Variants in SRBD1 observed in about 807,000 individuals in gnomAD.
SRBD1 encodes the protein S1 RNA-binding domain-containing protein 1.
SRBD1 carries 88 observed loss-of-function variants against 115.3 expected under a neutral mutation model. The ratio of observed to expected loss-of-function variants is 0.76; its 90% CI spans 0.64 to 0.91. The LOEUF (loss-of-function observed/expected upper bound fraction) is 0.91. Among genes scored for constraint, SRBD1 ranks in the 40% least tolerant of loss-of-function variants. The pLI is 0.00. For synonymous variants in SRBD1, 509 were observed against 407.7 expected (o/e 1.25, Z -2.99); for missense variants, 1,385 against 1,177.4 (o/e 1.18, Z -2.58).
intron 14 of SRBD1, among the ~76,000 whole-genome samples, chr2:45,515,096 A>G (rs1671079250): frequency 6.6e-6 from 1 of 152,198 alleles, no homozygotes; most frequent in Non-Finnish European, 1.5e-5. Flanking sequence ...AGAACAGCAA[A>G]TTCCATGAGA....
rs184832019 is a variant in SRBD1, at chr2:45,442,853, T to C, written c.2050-22959A>G. 1.4e-4 allele frequency among the ~76,000 whole-genome samples: 22 copies of C among 152,320 alleles called. No homozygotes were observed. In the East Asian group the frequency reaches 4.2e-3, roughly 29 times the overall value. On this transcript the variant is annotated intron_variant, in intron 16 of 20. Coordinates refer to ENST00000263736, the MANE Select transcript of SRBD1 (RefSeq NM_018079.5). ...GTCTAGCTACCTTTACATGCCACCC[T>C]TTTATAATATTCTAACAAAATTTCT...
chr2:45,438,107 T>C (rs1452458810), intron 16 of SRBD1, among the ~76,000 whole-genome samples: 1 of 152,198 alleles, frequency 6.6e-6, no homozygotes, highest in Non-Finnish European at 1.5e-5. Context: ...GCTGTGCATA[T>C]GTGGCAGGAA....
At chr2:45,559,177 G>C (rs921815987) in intron 10 of SRBD1, among the ~76,000 whole-genome samples, 1 of 152,044 alleles carries the variant, frequency 6.6e-6, no homozygotes, top group African/African-American at 2.4e-5. Context: ...ATCTACTCTT[G>C]ATTCCTTCCA....
chr2:45,538,907 T>C (rs1266806257), intron 14 of SRBD1, among the ~76,000 whole-genome samples: 1 of 152,010 alleles, frequency 6.6e-6, no homozygotes, highest in East Asian at 1.9e-4. Context: ...CTCTTAAGCA[T>C]CCTTTAAAAA....
chr2:45,519,091 T>A (rs923627191), intron 14 of SRBD1, among the ~76,000 whole-genome samples: 2 of 151,196 alleles, frequency 1.3e-5, no homozygotes, highest in South Asian at 4.2e-4. Context: ...ATTCTAGGAG[T>A]GACTATAAGC....
At chr2:45,463,620 A>G (rs1359638639) in intron 16 of SRBD1, among the ~76,000 whole-genome samples, 2 of 152,192 alleles carry the variant, frequency 1.3e-5, no homozygotes, top group African/African-American at 4.8e-5. Context: ...TGTGAACATT[A>G]TTATATTACA....
At chr2:45,546,967 G>A (rs1672140689) in intron 13 of SRBD1, 128 bp from the exon 14 acceptor site, 1 of 816,188 alleles carries the variant, frequency 1.2e-6, no homozygotes, top group African/African-American at 1.7e-5. Flanking sequence ...CAAGCAACCT[G>A]TCCACTGTTG....
At chr2:45,525,511 T>A (rs1415034661) in intron 14 of SRBD1, among the ~76,000 whole-genome samples, 1 of 151,996 alleles carries the variant, frequency 6.6e-6, no homozygotes, top group Non-Finnish European at 1.5e-5. Flanking sequence ...GTTTAAGCGA[T>A]CTACTGTACA....
intron 19 of SRBD1, among the ~76,000 whole-genome samples, chr2:45,406,487 G>C (rs966399763): frequency 1.3e-5 from 2 of 152,082 alleles, no homozygotes; most frequent in Non-Finnish European, 2.9e-5. Context: ...TCTATAACAT[G>C]GGTTCTCTTG....
Position 45,573,163 on chromosome 2 carries a change from T to C in SRBD1, c.1305+44A>G, listed in dbSNP as rs377639328. 65 of 1,526,270 alleles carry C rather than the reference T, an allele frequency of 4.3e-5. No individual in the cohort carries two copies. In the African/African-American group the frequency reaches 8.8e-4, roughly 21 times the overall value. The allele number at this position is 1,526,270 out of a possible 1,614,324, so 94.5% of individuals were successfully genotyped here. A position where few individuals can be genotyped will look rare whatever the true frequency, so the allele number is the denominator to read the frequency against. On this transcript the variant is annotated intron_variant, in intron 9 of 20. Coordinates refer to ENST00000263736, the MANE Select transcript of SRBD1 (RefSeq NM_018079.5). Reference sequence around the variant, plus strand: ...AGTAGCAGGCAAATCCAAAATATTATCATTATTACGAAATCAGCATGCACA... The same window carrying C: ...AGTAGCAGGCAAATCCAAAATATTACCATTATTACGAAATCAGCATGCACA...
At chr2:45,489,853 GA>G (rs60915180) in intron 14 of SRBD1, among the ~76,000 whole-genome samples, 12,283 of 152,070 alleles carry the variant, frequency 0.081, 697 homozygotes, top group African/African-American at 0.15. Context: ...AATAAAATGA[GA>G]ACTCATATTT....
intron 19 of SRBD1, among the ~76,000 whole-genome samples, chr2:45,394,917 G>T (rs1247485760): frequency 6.6e-6 from 1 of 152,216 alleles, no homozygotes; most frequent in Non-Finnish European, 1.5e-5. Flanking sequence ...AGATAACACT[G>T]TAAGTCTGTA....
At chr2:45,456,716 T>G (rs899697644) in intron 16 of SRBD1, among the ~76,000 whole-genome samples, 1 of 151,894 alleles carries the variant, frequency 6.6e-6, no homozygotes, top group Non-Finnish European at 1.5e-5. Context: ...GAGGCCAGCA[T>G]GCTGAAGAAA....
intron 14 of SRBD1, among the ~76,000 whole-genome samples, chr2:45,525,442 A>T (rs1397457757): frequency 2.0e-5 from 3 of 152,048 alleles, no homozygotes; most frequent in Non-Finnish European, 2.9e-5. Flanking sequence ...CAACTCAGTA[A>T]TGAAAAGACA....
intron 16 of SRBD1, among the ~76,000 whole-genome samples, chr2:45,471,108 A>C (rs1461336967): frequency 6.6e-6 from 1 of 152,214 alleles, no homozygotes; most frequent in Non-Finnish European, 1.5e-5. Context: ...CAGACTAAAA[A>C]TAAATTCAGT....
intron 16 of SRBD1, among the ~76,000 whole-genome samples, chr2:45,452,753 T>C (rs1382257973): frequency 1.3e-5 from 2 of 151,872 alleles, no homozygotes; most frequent in Admixed American, 6.6e-5. Flanking sequence ...CAAACAGCTG[T>C]ATGGGGTTGT....
intron 19 of SRBD1, among the ~76,000 whole-genome samples, chr2:45,407,858 A>C (rs563569721): frequency 6.6e-6 from 1 of 152,170 alleles, no homozygotes; most frequent in Admixed American, 6.5e-5. Context: ...GAACTCATAC[A>C]TAAATAAGGC....
At position 45,477,651 on chromosome 2, in the gene SRBD1, G is replaced by A. The variant is rs141266325; in HGVS notation, c.1967-576C>T. The stretch of plus-strand genomic sequence containing the variant: ...TGCAGCTTTGAACTCCTGGGCTCAA[G>A]CAATCCTCTTGCCTCACCCCTCCAA... On this transcript the variant is annotated intron_variant, in intron 15 of 20. Coordinates refer to ENST00000263736, the MANE Select transcript of SRBD1 (RefSeq NM_018079.5). Among the ~76,000 whole-genome samples, 505 of 152,264 alleles carry A rather than the reference G, an allele frequency of 3.3e-3. 5 individuals are homozygous for A. Among genetic ancestry groups the A allele is most frequent in the African/African-American group, 0.011 (469 of 41,546 alleles).
chr2:45,581,637 G>C, intron 6 of SRBD1, 56 bp downstream of exon 6: 2 of 1,319,266 alleles, frequency 1.5e-6, no homozygotes, highest in Non-Finnish European at 2.1e-6. Flanking sequence ...ATCATAAGAA[G>C]ACCCAAATTG....
Sources: allele counts gnomAD v4.1 joint callset (sites outside exome capture counted in the v4.1 genomes callset), GRCh38; gene constraint gnomAD v4.1.1; transcripts MANE v1.5; gene names NCBI Gene and HGNC (gene_info 2026-07-23, HGNC 2026-07-21).